The following RNF220 variants were observed in gnomAD, a reference collection of about 807,000 sequenced individuals.
RNF220 encodes E3 ubiquitin-protein ligase RNF220.
In RNF220, 7 loss-of-function variants were observed where a neutral mutation model predicts 67.1. The ratio of observed to expected loss-of-function variants is 0.10; its 90% CI spans 0.06 to 0.20. RNF220 has a LOEUF of 0.20. Ranked by LOEUF, RNF220 falls within the 10% of genes least tolerant of loss-of-function variation. The pLI is 1.00. For synonymous variants in RNF220, 270 were observed against 283.2 expected, an observed-to-expected ratio of 0.95 and a Z score of 0.47; for missense variants, 565 against 740.3, an observed-to-expected ratio of 0.76 and a Z score of 2.75.
chr1:44,464,072 G>GA (rs953305283), intron 2 of RNF220, among the ~76,000 whole-genome samples: 4 of 152,242 alleles, frequency 2.6e-5, no homozygotes, highest in Non-Finnish European at 5.9e-5. Context: ...AACAGTTGCA[G>GA]AAAATAGGGA....
In RNF220 at chr1:44,650,909, TACAC is replaced by T. The variant is rs1235968314; in HGVS notation, c.*144_*147del. ...ATACATGCACATACTCAAACATGCG[TACAC>T]ACACACACATTTACACACGCAGGAC... On this transcript the variant is annotated 3_prime_UTR_variant, in exon 15 of 15. Transcript: ENST00000361799. This position sits in a 1 kb window ranked among gnomAD's most constrained non-coding sequence, Gnocchi z 4.3. The T allele has an allele frequency of 5.3e-6, 4 of 749,612 alleles. No homozygotes were observed. The highest frequency in any genetic ancestry group is 1.7e-5 in the African/African-American group (1 of 58,298). 46.4% of individuals were successfully genotyped at this position (749,612 alleles called of 1,614,324 possible).
intron 2 of RNF220, among the ~76,000 whole-genome samples, chr1:44,443,831 C>T: frequency 6.6e-6 from 1 of 152,198 alleles, no homozygotes; most frequent in East Asian, 1.9e-4. Context: ...TGGCTCACAC[C>T]TGTAATCCCA....
intron 2 of RNF220, among the ~76,000 whole-genome samples, chr1:44,446,259 T>C (rs1465922868): frequency 6.6e-6 from 1 of 152,228 alleles, no homozygotes; most frequent in Non-Finnish European, 1.5e-5. Flanking sequence ...TGTTTTATGC[T>C]TCGGTTAAAA....
At chr1:44,478,831 G>A (rs1655525812) in intron 2 of RNF220, among the ~76,000 whole-genome samples, 1 of 152,188 alleles carries the variant, frequency 6.6e-6, no homozygotes, top group Admixed American at 6.5e-5. Flanking sequence ...GGTTGAGAAT[G>A]CTCTCTGATT....
intron 2 of RNF220, among the ~76,000 whole-genome samples, chr1:44,550,499 A>C (rs1662542035): frequency 6.6e-6 from 1 of 152,156 alleles, no homozygotes; most frequent in Non-Finnish European, 1.5e-5. Flanking sequence ...TGCATGGGAG[A>C]ATCTGCGGCC....
Position 44,645,572 on chromosome 1 carries a change from G to A in RNF220, c.1445+84G>A, listed in dbSNP as rs867056788. ...TTGCTAGCAGGAAGGCCTGCTGCCAGGGCTTCTGGCCCTCCCAAGTGCAGC... is the reference window on the plus strand; with the variant it reads ...TTGCTAGCAGGAAGGCCTGCTGCCAAGGCTTCTGGCCCTCCCAAGTGCAGC... On this transcript the variant is annotated intron_variant, in intron 12 of 14. Transcript: ENST00000361799. The surrounding 1 kb of genome is among the most constrained non-coding windows in gnomAD (Gnocchi z 5.0). 9 of 1,407,082 alleles carry A rather than the reference G, an allele frequency of 6.4e-6. No homozygotes were observed. The Middle Eastern group carries it at 1.5e-3, about 227-fold the overall frequency. The allele number at this position is 1,407,082 out of a possible 1,614,324, so 87.2% of individuals were successfully genotyped here. A position where few individuals can be genotyped will look rare whatever the true frequency, so the allele number is the denominator to read the frequency against.
At chr1:44,494,480 A>G (rs1329445827) in intron 2 of RNF220, among the ~76,000 whole-genome samples, 1 of 152,204 alleles carries the variant, frequency 6.6e-6, no homozygotes, top group Non-Finnish European at 1.5e-5. Context: ...GGTTAAAAAA[A>G]TCATAATTTT....
chr1:44,406,068 G>A (rs1222823796), intron 1 of RNF220, among the ~76,000 whole-genome samples: 1 of 152,194 alleles, frequency 6.6e-6, no homozygotes, highest in Non-Finnish European at 1.5e-5. Context: ...AGCCCGAGGC[G>A]GCGGGCGGAT....
At chr1:44,632,659 C>CTACA (rs1644197613) in intron 6 of RNF220, 1 of 564,484 alleles carries the variant, frequency 1.8e-6, no homozygotes, top group Non-Finnish European at 3.2e-6. Flanking sequence ...GAGGAACGAG[C>CTACA]TACACAATTC....
At chr1:44,549,467 C>T (rs1662443893) in intron 2 of RNF220, among the ~76,000 whole-genome samples, 2 of 152,138 alleles carry the variant, frequency 1.3e-5, no homozygotes, top group African/African-American at 2.4e-5. Flanking sequence ...GTCTCTTGCT[C>T]GCAACCCATC....
intron 2 of RNF220, among the ~76,000 whole-genome samples, chr1:44,468,408 G>A (rs1240903953): frequency 1.3e-5 from 2 of 152,168 alleles, no homozygotes; most frequent in Admixed American, 6.5e-5. Context: ...AGACGTGGAA[G>A]CGGAGTGCAT....
chr1:44,532,168 A>G (rs1416248499), intron 2 of RNF220, among the ~76,000 whole-genome samples: 1 of 152,200 alleles, frequency 6.6e-6, no homozygotes, highest in Non-Finnish European at 1.5e-5. Context: ...TGAGCTCACA[A>G]AGAATGGTGC....
chr1:44,584,888 G>A (rs752126973), intron 2 of RNF220, among the ~76,000 whole-genome samples: 23 of 152,046 alleles, frequency 1.5e-4, no homozygotes, highest in African/African-American at 4.6e-4. Context: ...TAGTAGAGAC[G>A]GGGTTTCACC....
At chr1:44,609,632 G>T (rs942468732) in intron 2 of RNF220, among the ~76,000 whole-genome samples, 1 of 152,246 alleles carries the variant, frequency 6.6e-6, no homozygotes, top group African/African-American at 2.4e-5. Flanking sequence ...ACAGAGGGGG[G>T]CAGCAGAGGG....
At chr1:44,487,705 T>TAAC (rs1656442872) in intron 2 of RNF220, among the ~76,000 whole-genome samples, 1 of 140,862 alleles carries the variant, frequency 7.1e-6, no homozygotes, top group African/African-American at 3.0e-5. Context: ...ATAATAATAA[T>TAAC]AATAACAATA....
intron 2 of RNF220, among the ~76,000 whole-genome samples, chr1:44,433,387 C>A (rs550594463): frequency 6.6e-6 from 1 of 152,192 alleles, no homozygotes; most frequent in African/African-American, 2.4e-5. Context: ...TGAGCTTCCA[C>A]AGGAAACAGT....
At chr1:44,636,623 A>C (rs2148486010) in intron 8 of RNF220, 1 of 591,666 alleles carries the variant, frequency 1.7e-6, no homozygotes, top group Non-Finnish European at 3.0e-6. Context: ...GCCCTATGTC[A>C]GGGAAATCAG....
At chr1:44,523,352 C>T (rs897777452) in intron 2 of RNF220, among the ~76,000 whole-genome samples, 15 of 152,226 alleles carry the variant, frequency 9.9e-5, no homozygotes, top group African/African-American at 3.6e-4. Context: ...TCCTCCCACC[C>T]CAGGCCAGCC....
chr1:44,464,212 A>G (rs1654060917), intron 2 of RNF220, among the ~76,000 whole-genome samples: 1 of 152,192 alleles, frequency 6.6e-6, no homozygotes, highest in Non-Finnish European at 1.5e-5. Flanking sequence ...TTGAGTGTAC[A>G]GTTGTATAGA....
Sources: allele counts gnomAD v4.1 joint callset (sites outside exome capture counted in the v4.1 genomes callset), GRCh38; gene constraint gnomAD v4.1.1; non-coding constraint Gnocchi (gnomAD v3.1); transcripts MANE v1.5; gene names NCBI Gene and HGNC (gene_info 2026-07-23, HGNC 2026-07-21).